Variants in RGS6 observed in about 807,000 individuals in gnomAD.
RGS6 encodes regulator of G-protein signaling 6.
Under a neutral mutation model 78.5 loss-of-function variants are expected in RGS6, and 30 were observed. The ratio of observed to expected loss-of-function variants is 0.38; its 90% CI spans 0.29 to 0.52. The LOEUF is 0.52. Ranked by LOEUF, RGS6 falls within the 20% of genes least tolerant of loss-of-function variation. The pLI, the probability that RGS6 is intolerant of heterozygous loss-of-function variation, is 0.85. For missense variants in RGS6, 495 were observed against 609.7 expected (o/e 0.81, Z 1.98); for synonymous variants, 206 against 206.0 (o/e 1.00, Z 0.00).
rs180671943 is a variant in RGS6 at position 72,414,508 on chromosome 14, G to T, written c.185-40020G>T. Among the ~76,000 whole-genome samples, 21 of 152,142 alleles carry T rather than the reference G, an allele frequency of 1.4e-4. No individual in the cohort carries two copies. In the East Asian group the frequency reaches 3.7e-3, roughly 27 times the overall value. On this transcript the variant is annotated intron_variant, in intron 3 of 17. Coordinates refer to ENST00000553525, the MANE Select transcript of RGS6 (RefSeq NM_001204424.2). ...TTTTTAACTTCTTTGCCATTGGTTC[G>T]AACTTCCTCCTTTAGCTGGTAGTTT...
Position 72,334,618 on chromosome 14 carries a change from T to C in RGS6, c.85-17477T>C, listed in dbSNP as rs140600340. Among the ~76,000 whole-genome samples the C allele has an allele frequency of 1.3e-3, 201 of 152,316 alleles. 1 individual carries two copies. The highest frequency in any genetic ancestry group is 4.5e-3 in the African/African-American group (188 of 41,576). ...CGCCTGAAACACTTTTTTGCAGTAA[T>C]GTGTTCCGTGATGGAAGTCATCTAA... On this transcript the variant is annotated intron_variant, in intron 2 of 17. Coordinates refer to ENST00000553525, the MANE Select transcript of RGS6 (RefSeq NM_001204424.2).
At chr14:72,270,119 C>G (rs1241598546) in intron 2 of RGS6, among the ~76,000 whole-genome samples, 2 of 152,124 alleles carry the variant, frequency 1.3e-5, no homozygotes, top group Admixed American at 6.5e-5. Context: ...GGAGGAGGTG[C>G]TAGTAGAGGA....
chr14:72,159,957 T>G (rs1326562958), intron 2 of RGS6, among the ~76,000 whole-genome samples: 1 of 152,228 alleles, frequency 6.6e-6, no homozygotes, highest in African/African-American at 2.4e-5. Context: ...AAGTTCAACT[T>G]AAGGTACTTT....
At chr14:72,047,912 T>A (rs2153401630) in intron 2 of RGS6, among the ~76,000 whole-genome samples, 1 of 148,588 alleles carries the variant, frequency 6.7e-6, no homozygotes, top group East Asian at 2.0e-4. Flanking sequence ...TTTTTTTTTT[T>A]TTTTTTTTTA....
intron 2 of RGS6, among the ~76,000 whole-genome samples, chr14:72,005,881 T>A (rs1199915770): frequency 6.6e-6 from 1 of 152,166 alleles, no homozygotes; most frequent in Non-Finnish European, 1.5e-5. Context: ...TTGTTTTTTT[T>A]TTCTTAAGCA....
chr14:72,055,059 T>A lies in RGS6; in HGVS notation c.84+90184T>A, dbSNP rs2093549112. 2.0e-5 allele frequency among the ~76,000 whole-genome samples: 3 copies of A among 152,334 alleles called. 1 individual carries two copies. The South Asian group carries it at 6.2e-4, about 32-fold the overall frequency. The stretch of plus-strand genomic sequence containing the variant: ...TTGGGCATTCAGGGTGTTTCCTGTT[T>A]TTGTATCTATGAGCAGAGCTGTTAG... On this transcript the variant is annotated intron_variant, in intron 2 of 17. Transcript: ENST00000553525.
chr14:72,209,238 C>G (rs2043436288), intron 2 of RGS6, among the ~76,000 whole-genome samples: 2 of 152,118 alleles, frequency 1.3e-5, no homozygotes, highest in Non-Finnish European at 2.9e-5. Context: ...GAGACCCTAT[C>G]TCAAAATATA....
At chr14:71,978,790 G>A (rs1013001909) in intron 2 of RGS6, among the ~76,000 whole-genome samples, 1 of 152,098 alleles carries the variant, frequency 6.6e-6, no homozygotes, top group African/African-American at 2.4e-5. Context: ...AATGAGTTAG[G>A]GAGGATTCCC....
intron 2 of RGS6, among the ~76,000 whole-genome samples, chr14:72,342,423 G>T (rs148058165): frequency 3.9e-5 from 6 of 152,010 alleles, no homozygotes; most frequent in East Asian, 3.9e-4. Flanking sequence ...AAACTTAGTC[G>T]GGCATGGTGG....
chr14:72,015,229 AAGAG>A (rs1275786617), intron 2 of RGS6, among the ~76,000 whole-genome samples: 3 of 152,134 alleles, frequency 2.0e-5, no homozygotes, highest in East Asian at 3.9e-4. Context: ...GGAGGAGAGA[AAGAG>A]AGAGAAAGGG....
intron 17 of RGS6, among the ~76,000 whole-genome samples, chr14:72,553,105 T>G (rs2153535920): frequency 6.6e-6 from 1 of 152,350 alleles, no homozygotes; most frequent in African/African-American, 2.4e-5. Flanking sequence ...TTCGCCTCTG[T>G]GTTCAGTGTA....
chr14:72,370,394 G>A (rs1042761867), intron 3 of RGS6, among the ~76,000 whole-genome samples: 1 of 152,138 alleles, frequency 6.6e-6, no homozygotes, highest in Non-Finnish European at 1.5e-5. Flanking sequence ...GAAAACACAT[G>A]CAAAGATGAG....
intron 2 of RGS6, among the ~76,000 whole-genome samples, chr14:72,244,260 CT>C (rs10587768): frequency 0.015 from 2,065 of 139,942 alleles, 43 homozygotes; most frequent in African/African-American, 0.045. Flanking sequence ...ATTTGTCTAA[CT>C]TTTTTTTTTT....
chr14:72,471,226 C>A (rs1226772039), intron 8 of RGS6, among the ~76,000 whole-genome samples: 1 of 152,150 alleles, frequency 6.6e-6, no homozygotes, highest in Admixed American at 6.5e-5. Flanking sequence ...AGATTTTTTT[C>A]TCCTGGATAC....
At chr14:72,275,419 G>A (rs953029092) in intron 2 of RGS6, among the ~76,000 whole-genome samples, 4 of 152,154 alleles carry the variant, frequency 2.6e-5, no homozygotes, top group African/African-American at 9.7e-5. Context: ...GGAAGATTGG[G>A]TACGAAGATC....
chr14:72,399,878 T>C (rs2092128047), intron 3 of RGS6, among the ~76,000 whole-genome samples: 1 of 152,204 alleles, frequency 6.6e-6, no homozygotes, highest in Admixed American at 6.5e-5. Context: ...CCAAGAAATA[T>C]GGGACTATGT....
chr14:71,907,126 T>C, the RGS6 span, among the ~76,000 whole-genome samples: 1 of 152,202 alleles, frequency 6.6e-6, no homozygotes, highest in Non-Finnish European at 1.5e-5. Context: ...GAGGATACAA[T>C]GATGATGAAG....
chr14:72,345,541 C>T (rs968904664), intron 2 of RGS6, among the ~76,000 whole-genome samples: 3 of 152,188 alleles, frequency 2.0e-5, no homozygotes, highest in Non-Finnish European at 2.9e-5. Context: ...AGAAGGGAGC[C>T]GTGATGGTTT....
At chr14:71,877,021 T>C in the RGS6 span, among the ~76,000 whole-genome samples, 4 of 152,376 alleles carry the variant, frequency 2.6e-5, 1 homozygote, top group South Asian at 8.3e-4. Context: ...TCTTCCACCT[T>C]GTAGAGTTTC....
Sources: allele counts gnomAD v4.1 joint callset (sites outside exome capture counted in the v4.1 genomes callset), GRCh38; gene constraint gnomAD v4.1.1; transcripts MANE v1.5; gene names NCBI Gene and HGNC (gene_info 2026-07-23, HGNC 2026-07-21).